The following MTOR variants were observed in gnomAD, a reference collection of about 807,000 sequenced individuals.
The protein encoded by MTOR is serine/threonine-protein kinase mTOR.
MTOR carries 70 observed loss-of-function variants against 319.8 expected under a neutral mutation model. That is an observed-to-expected ratio of 0.22 (90% CI 0.18 to 0.27). MTOR has a LOEUF of 0.27. MTOR is among the 10% of genes least tolerant of loss of function. The pLI is 1.00. For missense variants in MTOR, 1,890 were observed against 3,274.4 expected (o/e 0.58, Z 10.32); for synonymous variants, 1,183 against 1,211.4 (o/e 0.98, Z 0.49).
rs530358003 is a variant in MTOR at position 11,137,429 on chromosome 1, A to G, written c.5130+1875T>C. ...GTATTAAGTTTGGATTTGAAGCCCA[A>G]TATTTCGTTTATCCAGCATAAGAGA... On this transcript the variant is annotated intron_variant, in intron 36 of 57. Coordinates refer to ENST00000361445, the MANE Select transcript of MTOR (RefSeq NM_004958.4). 1.1e-4 allele frequency among the ~76,000 whole-genome samples: 17 copies of G among 152,268 alleles called. 1 individual carries two copies. In the South Asian group the frequency reaches 3.3e-3, roughly 30 times the overall value.
Position 11,233,385 on chromosome 1 carries a change from G to A in MTOR, c.2421+13C>T, listed in dbSNP as rs377751422. 1.3e-4 allele frequency: 212 copies of A among 1,611,116 alleles called. 1 individual carries two copies. The highest frequency in any genetic ancestry group is 4.8e-4 in the Admixed American group (29 of 59,824). ...CCCTATCTCCGCTATGGAAAAAGTAGCTGCCCCTTTACCTGTGCCAATTCT... is the reference window on the plus strand; with the variant it reads ...CCCTATCTCCGCTATGGAAAAAGTAACTGCCCCTTTACCTGTGCCAATTCT... On this transcript the variant is annotated intron_variant, in intron 15 of 57. Transcript: ENST00000361445.
intron 9 of MTOR, 114 bp from the exon 10 acceptor site, chr1:11,241,795 G>T: frequency 8.3e-7 from 1 of 1,205,338 alleles, no homozygotes; most frequent in Non-Finnish European, 1.2e-6. Context: ...TACCACAGAT[G>T]GGTATGCAAA....
At chr1:11,206,077 T>C (rs1016297908) in intron 25 of MTOR, among the ~76,000 whole-genome samples, 1 of 152,178 alleles carries the variant, frequency 6.6e-6, no homozygotes, top group Non-Finnish European at 1.5e-5. Flanking sequence ...CCACTGACCA[T>C]ACAACGAGAA....
intron 9 of MTOR, 54 bp from the exon 10 acceptor site, chr1:11,241,735 C>CCA: frequency 6.4e-7 from 1 of 1,571,868 alleles, no homozygotes; most frequent in Non-Finnish European, 8.7e-7. Context: ...CTTTAATGTC[C>CCA]CACCTCAAAA....
At position 11,115,035 on chromosome 1, in the gene MTOR, G is replaced by A. The variant is rs780308777; in HGVS notation, c.7090-148C>T. 7.0e-5 allele frequency: 45 copies of A among 641,300 alleles called. No homozygotes were observed. The highest frequency in any genetic ancestry group is 2.3e-4 in the Admixed American group (8 of 34,230). The allele number at this position is 641,300 out of a possible 1,614,324, so 39.7% of individuals were successfully genotyped here. On this transcript the variant is annotated intron_variant, in intron 51 of 57. Coordinates refer to ENST00000361445, the MANE Select transcript of MTOR (RefSeq NM_004958.4). The surrounding 1 kb of genome is among the most constrained non-coding windows in gnomAD (Gnocchi z 4.5). ...CAGCTTGGGTTTAGTGAGAGGACTTGTCACAGGGATTTGAAAGACAACTTA... is the reference window on the plus strand; with the variant it reads ...CAGCTTGGGTTTAGTGAGAGGACTTATCACAGGGATTTGAAAGACAACTTA...
intron 28 of MTOR, among the ~76,000 whole-genome samples, chr1:11,179,943 G>C (rs746512483): frequency 6.6e-6 from 1 of 152,154 alleles, no homozygotes; most frequent in Non-Finnish European, 1.5e-5. Context: ...ATAGTGTCTT[G>C]TTCTGTTGCC....
Position 11,237,953 on chromosome 1 carries a change from G to C in MTOR, c.2098C>G (p.Leu700Val), listed in dbSNP as rs909283947. 3 of 1,614,208 alleles carry C rather than the reference G, an allele frequency of 1.9e-6. No individual in the cohort carries two copies. The highest frequency in any genetic ancestry group is 2.5e-6 in the Non-Finnish European group (3 of 1,180,038). The change falls in exon 13 of 58, where the codon CTG becomes GTG. Residue 700 changes from leucine to valine, a missense_variant. Around this residue, in one of 15 missense-constraint regions of MTOR, gnomAD observed 377 missense variants for 653.9 expected, o/e 0.58. Coordinates refer to ENST00000361445, the MANE Select transcript of MTOR (RefSeq NM_004958.4). ...CGGATCTCAAACACCTGGTCATTCA[G>C]AGCCACAAACAAGGCCTGCAAGTTC... ...AENLQALFVA[L>V]NDQVFEIREL...
intron 29 of MTOR, among the ~76,000 whole-genome samples, chr1:11,167,016 G>A (rs939243481): frequency 7.9e-5 from 12 of 152,296 alleles, no homozygotes; most frequent in African/African-American, 2.4e-4. Flanking sequence ...AACACTGCAT[G>A]TTCTCACTCA....
At chr1:11,162,845 G>A (rs1024473976) in intron 29 of MTOR, among the ~76,000 whole-genome samples, 3 of 152,218 alleles carry the variant, frequency 2.0e-5, no homozygotes, top group Non-Finnish European at 2.9e-5. Flanking sequence ...AAATTGTAAA[G>A]ACCATCAATG....
At chr1:11,184,153 C>T (rs1645241024) in intron 28 of MTOR, among the ~76,000 whole-genome samples, 1 of 152,134 alleles carries the variant, frequency 6.6e-6, no homozygotes, top group African/African-American at 2.4e-5. Context: ...TAACCCTTTG[C>T]TTTATTTAAT....
chr1:11,196,849 TAA>T (rs78265735), intron 28 of MTOR, among the ~76,000 whole-genome samples: 13 of 133,726 alleles, frequency 9.7e-5, no homozygotes, highest in Admixed American at 3.8e-4. Context: ...CGACTCCATC[TAA>T]AAAAAAAAAA....
chr1:11,124,663 A>G (rs373269287), intron 46 of MTOR, 30 bp from the exon 47 acceptor site: 2 of 1,588,264 alleles, frequency 1.3e-6, no homozygotes, highest in African/African-American at 2.7e-5. Context: ...CGGTGAGTGT[A>G]CATCAGAGGT....
intron 18 of MTOR, among the ~76,000 whole-genome samples, chr1:11,229,579 T>C (rs554161753): frequency 6.6e-6 from 1 of 152,320 alleles, no homozygotes; most frequent in Admixed American, 6.5e-5. Flanking sequence ...ATCACAGGCA[T>C]GCCTCTCTAA....
In MTOR at chr1:11,243,252, T is replaced by C. The variant is rs1648332448; in HGVS notation, c.1274A>G (p.Lys425Arg). 9 of 1,614,072 alleles carry C rather than the reference T, an allele frequency of 5.6e-6. No individual in the cohort carries two copies. In the South Asian group the frequency reaches 9.9e-5, roughly 18 times the overall value. ...DTMNHVLSCV[K>R]KEKERTAAFQ... is the part of the protein sequence containing the mutation. ...GGCCGCTGTACGTTCCTTCTCCTTC[T>C]TGACACAGCTTAGGACATGGTTCAT... is the stretch of plus-strand genomic sequence containing the variant. The change falls in exon 9 of 58, where the codon AAG (lysine) becomes AGG (arginine). Residue 425 changes from lysine (K) to arginine (R), a missense_variant. By Grantham distance (26) the Lys-to-Arg change is conservative. Coordinates refer to ENST00000361445, the MANE Select transcript of MTOR (RefSeq NM_004958.4).
intron 9 of MTOR, among the ~76,000 whole-genome samples, chr1:11,242,486 G>A (rs1385687670): frequency 1.1e-5 from 1 of 89,466 alleles, no homozygotes; most frequent in Non-Finnish European, 2.1e-5. Context: ...GGCAACCAAA[G>A]TAAGACTCCA....
intron 53 of MTOR, 130 bp from the exon 54 acceptor site, chr1:11,113,047 C>T (rs1641977804): frequency 3.2e-6 from 3 of 924,570 alleles, no homozygotes; most frequent in African/African-American, 3.3e-5. Flanking sequence ...AGATGACAGA[C>T]ATATTACTCA....
At chr1:11,158,689 A>G (rs1326259569) in intron 29 of MTOR, among the ~76,000 whole-genome samples, 1 of 151,952 alleles carries the variant, frequency 6.6e-6, no homozygotes, top group Non-Finnish European at 1.5e-5. Context: ...GCACTGGTAG[A>G]TTTCTCATTT....
chr1:11,189,275 G>A lies in MTOR; in HGVS notation c.4253+9983C>T. ...GACCCTCCCAGATGAGCTGGGAGGGGCTAAAGCCTGGTGCAGCCATGGTAG... is the reference window on the plus strand; with the variant it reads ...GACCCTCCCAGATGAGCTGGGAGGGACTAAAGCCTGGTGCAGCCATGGTAG... On this transcript the variant is annotated intron_variant, in intron 28 of 57. Transcript: ENST00000361445. 3 of 276,566 alleles carry A rather than the reference G, an allele frequency of 1.1e-5. No individual in the cohort carries two copies. In the South Asian group the frequency reaches 1.6e-4, roughly 15 times the overall value. 17.1% of individuals were successfully genotyped at this position (276,566 alleles called of 1,614,324 possible).
intron 30 of MTOR, among the ~76,000 whole-genome samples, chr1:11,155,830 C>T (rs1644301132): frequency 6.6e-6 from 1 of 152,082 alleles, no homozygotes; most frequent in South Asian, 2.1e-4. Context: ...CGGCTGTGTC[C>T]CTAGGGCCTG....
Sources: allele counts gnomAD v4.1 joint callset (sites outside exome capture counted in the v4.1 genomes callset), GRCh38; gene constraint gnomAD v4.1.1; regional missense constraint gnomAD v4.1.1; non-coding constraint Gnocchi (gnomAD v3.1); transcripts MANE v1.5; gene names NCBI Gene and HGNC (gene_info 2026-07-23, HGNC 2026-07-21).